Variants in PRKN observed in about 807,000 individuals in gnomAD.
PRKN encodes the protein parkin RBR E3 ubiquitin protein ligase, also known as E3 ubiquitin-protein ligase parkin.
PRKN carries 56 observed loss-of-function variants against 59.5 expected under a neutral mutation model. That is an observed-to-expected ratio of 0.94 (90% CI 0.76 to 1.18). PRKN has a LOEUF of 1.18. PRKN is among the 50% of genes most tolerant of loss of function. PRKN has a pLI of 0.00. For synonymous variants in PRKN, 250 were observed against 222.1 expected (o/e 1.13, Z -1.12); for missense variants, 657 against 596.4 (o/e 1.10, Z -1.06).
chr6:161,939,063 GA>G (rs1435960151), intron 6 of PRKN, among the ~76,000 whole-genome samples: 2 of 152,092 alleles, frequency 1.3e-5, no homozygotes, highest in Non-Finnish European at 2.9e-5. Context: ...TCTTGATTTT[GA>G]AAAGGAAAAA....
intron 1 of PRKN, among the ~76,000 whole-genome samples, chr6:162,521,373 A>G (rs1778073842): frequency 6.6e-6 from 1 of 152,182 alleles, no homozygotes; most frequent in Non-Finnish European, 1.5e-5. Flanking sequence ...TTATGGCTGC[A>G]TTTAAATTTA....
At chr6:161,574,724 T>C (rs1292840415) in intron 7 of PRKN, among the ~76,000 whole-genome samples, 4 of 152,326 alleles carry the variant, frequency 2.6e-5, no homozygotes, top group East Asian at 3.9e-4. Flanking sequence ...TGGACATCTA[T>C]TGGCATTTAA....
At chr6:161,988,514 A>G (rs1235913722) in intron 5 of PRKN, among the ~76,000 whole-genome samples, 1 of 151,902 alleles carries the variant, frequency 6.6e-6, no homozygotes, top group African/African-American at 2.4e-5. Context: ...AAAATAAAAT[A>G]AATAAATAAA....
chr6:161,741,950 AT>A (rs1181422869), intron 7 of PRKN, among the ~76,000 whole-genome samples: 18 of 82,640 alleles, frequency 2.2e-4, no homozygotes, highest in African/African-American at 6.4e-4. Context: ...GGATTTATTT[AT>A]TTATTTATTT....
At chr6:162,275,748 G>A (rs185331745) in intron 2 of PRKN, among the ~76,000 whole-genome samples, 23 of 150,876 alleles carry the variant, frequency 1.5e-4, no homozygotes, top group Admixed American at 6.6e-4. Context: ...CCACACAATC[G>A]CACTCCTGCC....
chr6:161,842,999 A>T (rs6922518), intron 6 of PRKN, among the ~76,000 whole-genome samples: 6 of 151,944 alleles, frequency 3.9e-5, no homozygotes, highest in Non-Finnish European at 7.4e-5. Context: ...TAATCTACTC[A>T]GGAGTGCTAT....
In PRKN at chr6:161,355,701, C is replaced by T. The variant is rs1483466564; in HGVS notation, c.1285+4387G>A. 3.9e-5 allele frequency among the ~76,000 whole-genome samples: 6 copies of T among 152,068 alleles called. No individual in the cohort carries two copies. Among genetic ancestry groups the T allele is most frequent in the Admixed American group, 6.5e-5 (1 of 15,282 alleles). On this transcript the variant is annotated intron_variant, in intron 11 of 11. Coordinates refer to ENST00000366898, the MANE Select transcript of PRKN (RefSeq NM_004562.3). This position sits in a 1 kb window ranked among gnomAD's most constrained non-coding sequence, Gnocchi z 6.8. ...GATTACAGGCGTGAGTCACCACGCC[C>T]GGCCTACAAGCTAAGTTTTAATTCA...
At chr6:162,249,107 T>C (rs1486226764) in intron 3 of PRKN, among the ~76,000 whole-genome samples, 3 of 152,130 alleles carry the variant, frequency 2.0e-5, no homozygotes, top group Admixed American at 2.0e-4. Context: ...CTCGATCTCT[T>C]GACCTCGTGA....
At chr6:161,626,408 G>A (rs749708549) in intron 7 of PRKN, among the ~76,000 whole-genome samples, 5 of 152,192 alleles carry the variant, frequency 3.3e-5, no homozygotes, top group South Asian at 2.1e-4. Flanking sequence ...TTCAGGTCCC[G>A]TTAGTGGGCG....
intron 2 of PRKN, among the ~76,000 whole-genome samples, chr6:162,391,636 T>C (rs369216575): frequency 1.3e-5 from 2 of 152,208 alleles, no homozygotes; most frequent in East Asian, 1.9e-4. Context: ...ATTTTCTTAC[T>C]GCACATGCTT....
intron 8 of PRKN, among the ~76,000 whole-genome samples, chr6:161,563,862 A>G (rs565701750): frequency 4.6e-5 from 7 of 152,262 alleles, no homozygotes; most frequent in Non-Finnish European, 8.8e-5. Context: ...TTTACTGTCT[A>G]TTTTGTTGCC....
intron 6 of PRKN, among the ~76,000 whole-genome samples, chr6:161,804,005 TG>T (rs1184425745): frequency 2.0e-5 from 3 of 152,148 alleles, no homozygotes; most frequent in South Asian, 2.1e-4. Context: ...ATCAGACACA[TG>T]GGGGGTGGCA....
At chr6:162,207,379 A>T (rs768041197) in intron 3 of PRKN, among the ~76,000 whole-genome samples, 2 of 152,070 alleles carry the variant, frequency 1.3e-5, no homozygotes, top group Non-Finnish European at 2.9e-5. Flanking sequence ...CCCCCCAACC[A>T]AAAAAGAAAA....
At chr6:162,365,449 C>A (rs1410602518) in intron 2 of PRKN, among the ~76,000 whole-genome samples, 2 of 152,074 alleles carry the variant, frequency 1.3e-5, no homozygotes, top group Admixed American at 6.6e-5. Context: ...GTTTCAAAAT[C>A]AAAAATATGT....
chr6:162,329,315 G>A (rs1225843302), intron 2 of PRKN, among the ~76,000 whole-genome samples: 2 of 152,142 alleles, frequency 1.3e-5, no homozygotes, highest in Non-Finnish European at 2.9e-5. Flanking sequence ...GGACGTGGAA[G>A]GTGGTAGCTC....
intron 6 of PRKN, among the ~76,000 whole-genome samples, chr6:161,837,932 G>A (rs1007724516): frequency 5.9e-5 from 9 of 152,252 alleles, no homozygotes; most frequent in Non-Finnish European, 1.3e-4. Context: ...TCATTTCTGA[G>A]CTGCTGAATC....
chr6:162,639,849 T>A (rs1028223239), intron 1 of PRKN, among the ~76,000 whole-genome samples: 1 of 152,178 alleles, frequency 6.6e-6, no homozygotes, highest in Admixed American at 6.5e-5. Context: ...GGCCTCGAGT[T>A]TGATCTGAAA....
At position 162,248,513 on chromosome 6, in the gene PRKN, C is replaced by T. The variant is rs117010698; in HGVS notation, c.412+14012G>A. Among the ~76,000 whole-genome samples, 143 of 152,178 alleles carry T rather than the reference C, an allele frequency of 9.4e-4. 3 individuals carry two copies. The East Asian group carries it at 0.023, about 25-fold the overall frequency. On this transcript the variant is annotated intron_variant, in intron 3 of 11. Coordinates refer to ENST00000366898, the MANE Select transcript of PRKN (RefSeq NM_004562.3). ...TATCTTCAGCGTATACTCCTGTTTC[C>T]AGACTTCTCAGAAAGGAGTGTGCCA...
chr6:162,190,353 C>G (rs1238790558), intron 4 of PRKN, among the ~76,000 whole-genome samples: 1 of 152,204 alleles, frequency 6.6e-6, no homozygotes, highest in East Asian at 1.9e-4. Flanking sequence ...TTAATCCCCA[C>G]TTTAGAAAAC....
Sources: allele counts gnomAD v4.1 joint callset (sites outside exome capture counted in the v4.1 genomes callset), GRCh38; gene constraint gnomAD v4.1.1; non-coding constraint Gnocchi (gnomAD v3.1); transcripts MANE v1.5; gene names NCBI Gene and HGNC (gene_info 2026-07-23, HGNC 2026-07-21).